The following SPATA13 variants were observed in gnomAD, a reference collection of about 807,000 sequenced individuals.
SPATA13 encodes spermatogenesis associated 13.
In SPATA13, 50 loss-of-function variants were observed where a neutral mutation model predicts 104.0. The ratio of observed to expected loss-of-function variants is 0.48; its 90% confidence interval spans 0.38 to 0.61. SPATA13 has a LOEUF of 0.61. SPATA13 is among the 20% of genes least tolerant of loss of function. The pLI is 0.00. For synonymous variants in SPATA13, 606 were observed against 667.5 expected (o/e 0.91, Z 1.42); for missense variants, 1,524 against 1,690.6 (o/e 0.90, Z 1.73).
At chr13:24,241,543 C>T (rs577664112) in intron 2 of SPATA13, among the ~76,000 whole-genome samples, 2 of 152,376 alleles carry the variant, frequency 1.3e-5, no homozygotes, top group Admixed American at 6.5e-5. Flanking sequence ...AGGAGCCCCT[C>T]CCCTCACAGT....
rs1871788747 is a variant in SPATA13, at chr13:24,224,145, G to A, written c.1216G>A (p.Asp406Asn). The change falls in exon 2 of 13, where the codon GAC becomes AAC. Residue 406 changes from aspartate (D) to asparagine (N), a missense_variant. Around this residue, in one of 2 missense-constraint regions of SPATA13, gnomAD observed 1,089 missense variants for 1,135.9 expected, o/e 0.96. Transcript: ENST00000382108. ...CTCTAAGGGGCCCCACCTAGACGCTGACACTGCCGTATTTCCTCTTGAAAC... is the reference window on the plus strand; with the variant it reads ...CTCTAAGGGGCCCCACCTAGACGCTAACACTGCCGTATTTCCTCTTGAAAC... ...ATSKGPHLDA[D>N]TAVFPLETKS... 2 of 1,551,638 alleles carry A rather than the reference G, an allele frequency of 1.3e-6. No individual in the cohort carries two copies. The highest frequency in any genetic ancestry group is 1.7e-6 in the Non-Finnish European group (2 of 1,147,016).
rs34668799 is a variant in SPATA13 at position 23,999,368 on chromosome 13, CAAAAA to C, written c.-147+15452_-147+15456del. Among the ~76,000 whole-genome samples the C allele has an allele frequency of 4.2e-3, 394 of 94,388 alleles. 9 individuals are homozygous for C. Among genetic ancestry groups the C allele is most frequent in the African/African-American group, 0.015 (368 of 24,298 alleles). 61.9% of individuals were successfully genotyped at this position (94,388 alleles called of 152,430 possible). On this transcript the variant is annotated intron_variant, in intron 2 of 14. Coordinates refer to the SPATA13 transcript ENST00000424834. ...TTAGAAACAGATCCTCATTTTCTAC[CAAAAA>C]AAAAAAAAAAAAAAAAGCCTGTTCG...
intron 1 of SPATA13, among the ~76,000 whole-genome samples, chr13:24,221,753 G>A (rs1428430964): frequency 2.6e-5 from 4 of 151,900 alleles, no homozygotes; most frequent in African/African-American, 7.3e-5. Flanking sequence ...GTCAGGGCAC[G>A]TGGGAAGAGG....
intron 3 of SPATA13, among the ~76,000 whole-genome samples, chr13:24,149,228 C>A (rs1295920511): frequency 2.6e-5 from 4 of 152,158 alleles, no homozygotes; most frequent in Non-Finnish European, 5.9e-5. Context: ...ATTAGTGAGT[C>A]CTGAAATGAA....
chr13:24,080,497 T>G (rs556567608), intron 3 of SPATA13, among the ~76,000 whole-genome samples: 20 of 152,226 alleles, frequency 1.3e-4, no homozygotes, highest in Admixed American at 1.2e-3. Context: ...AATACAGAAT[T>G]GGTGGGAAGG....
At chr13:24,180,312 A>G (rs895941245) in intron 1 of SPATA13, among the ~76,000 whole-genome samples, 2 of 152,150 alleles carry the variant, frequency 1.3e-5, no homozygotes, top group Non-Finnish European at 2.9e-5. Flanking sequence ...TGACTATAAA[A>G]TTTTATTTCT....
intron 4 of SPATA13, among the ~76,000 whole-genome samples, chr13:24,260,234 AT>A (rs1207193281): frequency 6.6e-6 from 1 of 152,196 alleles, no homozygotes; most frequent in African/African-American, 2.4e-5. Flanking sequence ...AGGGAGTTAG[AT>A]TAAGTTTGTT....
chr13:24,150,736 C>T (rs74499696), intron 3 of SPATA13, among the ~76,000 whole-genome samples: 2,218 of 152,154 alleles, frequency 0.015, 76 homozygotes, highest in African/African-American at 0.051. Flanking sequence ...GTCTTGAGGC[C>T]GAAGTCCTTC....
intron 1 of SPATA13, among the ~76,000 whole-genome samples, chr13:24,183,890 C>G (rs748216307): frequency 6.6e-5 from 10 of 152,074 alleles, no homozygotes; most frequent in Non-Finnish European, 1.5e-4. Flanking sequence ...TAATCACGGG[C>G]GCTTCCTCAG....
intron 2 of SPATA13, among the ~76,000 whole-genome samples, chr13:24,242,150 C>T (rs571301314): frequency 3.3e-5 from 5 of 152,120 alleles, no homozygotes; most frequent in Admixed American, 1.3e-4. Flanking sequence ...GAAACAAAAT[C>T]GACACTTGGT....
At chr13:24,104,825 G>A (rs1461352889) in intron 3 of SPATA13, among the ~76,000 whole-genome samples, 1 of 152,200 alleles carries the variant, frequency 6.6e-6, no homozygotes, top group African/African-American at 2.4e-5. Context: ...TAGCCTGGCT[G>A]CAGCCTCCTC....
chr13:24,105,444 C>CTTTTTTTT (rs764465032), intron 3 of SPATA13, among the ~76,000 whole-genome samples: 4,364 of 143,008 alleles, frequency 0.031, 184 homozygotes, highest in African/African-American at 0.091. Flanking sequence ...TGACTTCTTA[C>CTTTTTTTT]TTTTTTTTTT....
intron 1 of SPATA13, among the ~76,000 whole-genome samples, chr13:24,199,003 C>T (rs1870249481): frequency 7.4e-6 from 1 of 135,784 alleles, no homozygotes. Flanking sequence ...GTCTGGAGTG[C>T]AGTGGTTCAT....
chr13:24,006,358 T>G (rs1876228642), intron 2 of SPATA13, among the ~76,000 whole-genome samples: 1 of 152,120 alleles, frequency 6.6e-6, no homozygotes, highest in African/African-American at 2.4e-5. Flanking sequence ...TAACATGAGG[T>G]TCCTTGAGAT....
Position 24,088,846 on chromosome 13 carries a change from T to A in SPATA13, c.-112+71145T>A, listed in dbSNP as rs1879820398. Reference sequence around the variant, plus strand: ...GCTTCCGTCAGTGCTGGCTGAGGAGTGTCCCCAAGGCTGGCTCCAGGAAAG... The same window carrying A: ...GCTTCCGTCAGTGCTGGCTGAGGAGAGTCCCCAAGGCTGGCTCCAGGAAAG... On this transcript the variant is annotated intron_variant, in intron 3 of 14. Transcript: ENST00000424834. This position sits in a 1 kb window ranked among gnomAD's most constrained non-coding sequence, Gnocchi z 4.3. 1.3e-5 allele frequency among the ~76,000 whole-genome samples: 2 copies of A among 151,882 alleles called. No individual in the cohort carries two copies. Among genetic ancestry groups the A allele is most frequent in the African/African-American group, 4.8e-5 (2 of 41,334 alleles).
intron 2 of SPATA13, among the ~76,000 whole-genome samples, chr13:24,244,484 A>G (rs1394703606): frequency 6.6e-6 from 1 of 152,252 alleles, no homozygotes; most frequent in African/African-American, 2.4e-5. Flanking sequence ...AACATAGCCT[A>G]TATTGGCTTT....
At chr13:24,046,186 A>G (rs1396499322) in intron 3 of SPATA13, among the ~76,000 whole-genome samples, 1 of 152,058 alleles carries the variant, frequency 6.6e-6, no homozygotes, top group Non-Finnish European at 1.5e-5. Context: ...ATGTACTAGC[A>G]TTTAGGTTAA....
chr13:24,047,707 G>T (rs1422832733), intron 3 of SPATA13, among the ~76,000 whole-genome samples: 1 of 152,136 alleles, frequency 6.6e-6, no homozygotes, highest in Non-Finnish European at 1.5e-5. Flanking sequence ...TCTTTTTCAT[G>T]TTGGCTTTTT....
intron 12 of SPATA13, among the ~76,000 whole-genome samples, chr13:24,302,207 G>C (rs898593266): frequency 1.3e-5 from 2 of 152,184 alleles, no homozygotes; most frequent in African/African-American, 4.8e-5. Context: ...GAGAGAGACT[G>C]TGTCACGCTC....
Sources: allele counts gnomAD v4.1 joint callset (sites outside exome capture counted in the v4.1 genomes callset), GRCh38; gene constraint gnomAD v4.1.1; regional missense constraint gnomAD v4.1.1; non-coding constraint Gnocchi (gnomAD v3.1); transcripts MANE v1.5; gene names NCBI Gene and HGNC (gene_info 2026-07-23, HGNC 2026-07-21).